The following SH3TC2 variants were observed in gnomAD, a reference collection of about 807,000 sequenced individuals.
SH3TC2 encodes the protein SH3 domain and tetratricopeptide repeats 2.
In SH3TC2, 87 loss-of-function variants were observed where a neutral mutation model predicts 124.5. That is an observed-to-expected ratio of 0.70 (90% CI 0.59 to 0.84). The LOEUF is 0.84. SH3TC2 is among the 40% of genes least tolerant of loss of function. The probability of loss-of-function intolerance (pLI) is 0.00; values close to 1 mark genes in which losing one functional copy is unlikely to be tolerated. For synonymous variants in SH3TC2, 634 were observed against 628.5 expected (o/e 1.01, Z -0.13); for missense variants, 1,536 against 1,566.4 (o/e 0.98, Z 0.33).
chr5:149,032,702 G>T (rs1249546932), intron 8 of SH3TC2, among the ~76,000 whole-genome samples: 1 of 152,174 alleles, frequency 6.6e-6, no homozygotes, highest in Admixed American at 6.5e-5. Flanking sequence ...TTAGGGAGTG[G>T]TAGAGCAGGA....
In SH3TC2 at chr5:148,989,908, C is replaced by A; in HGVS notation, c.*14803G>T. Reference sequence around the variant, plus strand: ...CACTGGGGAAAAATGAGATACATAACAGAAAAGAATGAGTTCTTGGGGTGT... The same window carrying A: ...CACTGGGGAAAAATGAGATACATAAAAGAAAAGAATGAGTTCTTGGGGTGT... On this transcript the variant is annotated 3_prime_UTR_variant, in exon 17 of 17. Coordinates refer to ENST00000515425, the MANE Select transcript of SH3TC2 (RefSeq NM_024577.4). 6.6e-6 allele frequency among the ~76,000 whole-genome samples: 1 copy of A among 152,046 alleles called. No homozygotes were observed. Among genetic ancestry groups the A allele is most frequent in the East Asian group, 1.9e-4 (1 of 5,188 alleles).
At position 148,994,463 on chromosome 5, in the gene SH3TC2, T is replaced by C. The variant is rs1292913082; in HGVS notation, c.*10248A>G. 6.6e-6 allele frequency among the ~76,000 whole-genome samples: 1 copy of C among 152,224 alleles called. No individual in the cohort carries two copies. Among genetic ancestry groups the C allele is most frequent in the Non-Finnish European group, 1.5e-5 (1 of 68,034 alleles). On this transcript the variant is annotated 3_prime_UTR_variant, in exon 17 of 17. Transcript: ENST00000515425. ...TTTATCAGAGGACTCTGACTTGCCCTGGAGCCCATAGGACTTATGAAGACA... is the reference window on the plus strand; with the variant it reads ...TTTATCAGAGGACTCTGACTTGCCCCGGAGCCCATAGGACTTATGAAGACA...
chr5:149,049,350 C>T (rs1754518602), intron 2 of SH3TC2, among the ~76,000 whole-genome samples: 1 of 152,218 alleles, frequency 6.6e-6, no homozygotes, highest in Non-Finnish European at 1.5e-5. Context: ...ACGCAGTCTC[C>T]AGCTCAAGAC....
chr5:149,043,293 A>G (rs1461250291), intron 4 of SH3TC2, among the ~76,000 whole-genome samples: 1 of 152,154 alleles, frequency 6.6e-6, no homozygotes, highest in Non-Finnish European at 1.5e-5. Context: ...TTCAGGAGTC[A>G]GGATTTCCTT....
At position 148,988,987 on chromosome 5, in the gene SH3TC2, C is replaced by T. The variant is rs528702725; in HGVS notation, c.*15724G>A. On this transcript the variant is annotated 3_prime_UTR_variant, in exon 17 of 17. Transcript: ENST00000515425. ...CTGGTCTAGTTGTGCCCTACTGAGCCCAGACATGAAGGAAATAAAAAAACA... is the reference window on the plus strand; with the variant it reads ...CTGGTCTAGTTGTGCCCTACTGAGCTCAGACATGAAGGAAATAAAAAAACA... Among the ~76,000 whole-genome samples the T allele has an allele frequency of 6.6e-6, 1 of 152,180 alleles. No homozygotes were observed. The highest frequency in any genetic ancestry group is 2.4e-5 in the African/African-American group (1 of 41,520).
At chr5:149,012,098 A>C (rs1753793023) in intron 13 of SH3TC2, among the ~76,000 whole-genome samples, 1 of 152,194 alleles carries the variant, frequency 6.6e-6, no homozygotes, top group African/African-American at 2.4e-5. Context: ...ATTTGACTCT[A>C]GGCTTTTCTC....
intron 1 of SH3TC2, 23 bp downstream of exon 1, chr5:149,062,948 C>T (rs1754779500): frequency 6.4e-7 from 1 of 1,574,024 alleles, no homozygotes; most frequent in African/African-American, 1.3e-5. Context: ...AGCCACAGGC[C>T]AAGGGCCCCC....
rs1357543151 is a variant in SH3TC2, at chr5:148,982,698, G to A, written c.*22013C>T. Among the ~76,000 whole-genome samples the A allele has an allele frequency of 1.3e-5, 2 of 152,246 alleles. No homozygotes were observed. Among genetic ancestry groups the A allele is most frequent in the East Asian group, 3.9e-4 (2 of 5,186 alleles). On this transcript the variant is annotated 3_prime_UTR_variant, in exon 17 of 17. Coordinates refer to ENST00000515425, the MANE Select transcript of SH3TC2 (RefSeq NM_024577.4). ...TGGCGGGAGAGTATGTCACTGAATTGTTTTTATACACACAAAATATCCCTG... is the reference window on the plus strand; with the variant it reads ...TGGCGGGAGAGTATGTCACTGAATTATTTTTATACACACAAAATATCCCTG...
In SH3TC2 at chr5:148,999,584, A is replaced by C. The variant is rs1470592245; in HGVS notation, c.*5127T>G. Among the ~76,000 whole-genome samples, 1 of 152,242 alleles carries C rather than the reference A, an allele frequency of 6.6e-6. No individual in the cohort carries two copies. The highest frequency in any genetic ancestry group is 2.4e-5 in the African/African-American group (1 of 41,462). The stretch of plus-strand genomic sequence containing the variant: ...TCATGAAAAACAAGGAAAGGCAGAA[A>C]CCGTCATAGACCAGAGATGCATAGG... On this transcript the variant is annotated 3_prime_UTR_variant, in exon 17 of 17. Coordinates refer to ENST00000515425, the MANE Select transcript of SH3TC2 (RefSeq NM_024577.4).
chr5:149,041,634 A>G lies in SH3TC2; in HGVS notation c.530-17T>C, dbSNP rs1197841321. 6.2e-7 allele frequency: 1 copy of G among 1,613,790 alleles called. No individual in the cohort carries two copies. Among genetic ancestry groups the G allele is most frequent in the Non-Finnish European group, 8.5e-7 (1 of 1,179,756 alleles). The stretch of plus-strand genomic sequence containing the variant: ...AGAAGTGGCCTGTGGATAATGAGAA[A>G]AGCAATGGCTTTCTAAGGAGTAGCA... On this transcript the variant is annotated splice_polypyrimidine_tract_variant and intron_variant, in intron 5 of 16. Transcript: ENST00000515425.
In SH3TC2 at chr5:149,048,009, G is replaced by C; in HGVS notation, c.152-20C>G. ...TCAGGTCTTAAAGAGAACAGAGAGA[G>C]AAGGATCAGGCTGAAAATAGAATAA... On this transcript the variant is annotated intron_variant, in intron 2 of 16. Transcript: ENST00000515425. 6.2e-7 allele frequency: 1 copy of C among 1,613,794 alleles called. No homozygotes were observed. Among genetic ancestry groups the C allele is most frequent in the Non-Finnish European group, 8.5e-7 (1 of 1,179,812 alleles).
intron 16 of SH3TC2, 100 bp downstream of exon 16, chr5:149,006,781 T>C (rs1448664248): frequency 8.0e-7 from 1 of 1,255,680 alleles, no homozygotes; most frequent in Non-Finnish European, 1.2e-6. Flanking sequence ...GGCACTCTGG[T>C]TTTCTCAGCT....
intron 12 of SH3TC2, among the ~76,000 whole-genome samples, chr5:149,022,467 TA>T (rs1258600401): frequency 6.6e-6 from 1 of 152,222 alleles, no homozygotes; most frequent in African/African-American, 2.4e-5. Context: ...CAGCCACTTT[TA>T]AAAACAACCT....
At chr5:149,007,367 C>T in intron 15 of SH3TC2, 1 of 589,832 alleles carries the variant, frequency 1.7e-6, no homozygotes, top group South Asian at 2.1e-5. Context: ...GTCAAGGTTT[C>T]CTGGAGTGAT....
In SH3TC2 at chr5:149,028,103, T is replaced by C; in HGVS notation, c.1629A>G (p.Lys543=). Residue 543 remains lysine, a synonymous_variant, in exon 11 of 17, where the codon AAA becomes AAG. Coordinates refer to ENST00000515425, the MANE Select transcript of SH3TC2 (RefSeq NM_024577.4). ...CGAAGTACACCCTGGCCTGAGAGAGTTTGACCTTCCTGATGCTCAGCCGGC... is the reference window on the plus strand; with the variant it reads ...CGAAGTACACCCTGGCCTGAGAGAGCTTGACCTTCCTGATGCTCAGCCGGC... ...LLGRLSIRKV[K]LSQARVYFEE... The C allele has an allele frequency of 6.2e-7, 1 of 1,614,026 alleles. No individual in the cohort carries two copies. Among genetic ancestry groups the C allele is most frequent in the Non-Finnish European group, 8.5e-7 (1 of 1,180,024 alleles).
rs774021716 is a variant in SH3TC2, at chr5:149,027,575, G to A, written c.2157C>T (p.Thr719=). 6 of 1,614,254 alleles carry A rather than the reference G, an allele frequency of 3.7e-6. No individual in the cohort carries two copies. Among genetic ancestry groups the A allele is most frequent in the Non-Finnish European group, 4.2e-6 (5 of 1,180,048 alleles). Residue 719 remains threonine, a synonymous_variant, in exon 11 of 17, where the codon ACC becomes ACT. Transcript: ENST00000515425. ...CTGGGGAAGGAAAGCCAAGGAGCTT[G>A]GTTGTGTTCTGGAGGACAAGGTGGA... The part of the protein sequence containing the change: ...WQVHLVLQNT[T]KLLGFPSPGW...
rs1236649307 is a variant in SH3TC2 at position 148,988,299 on chromosome 5, GC to G, written c.*16411del. Among the ~76,000 whole-genome samples, 1 of 152,164 alleles carries G rather than the reference GC, an allele frequency of 6.6e-6. No homozygotes were observed. Among genetic ancestry groups the G allele is most frequent in the Non-Finnish European group, 1.5e-5 (1 of 68,026 alleles). On this transcript the variant is annotated 3_prime_UTR_variant, in exon 17 of 17. Transcript: ENST00000515425. ...GAATGTTATCTGGTCTTGTAAAGCT[GC>G]CTTACTATCTAGTCCCCAAGATAGC...
chr5:149,013,571 C>T (rs776465739), intron 12 of SH3TC2, among the ~76,000 whole-genome samples: 51 of 152,130 alleles, frequency 3.4e-4, no homozygotes, highest in South Asian at 1.2e-3. Context: ...TTTAAATCAT[C>T]GAAAAGATTT....
chr5:149,007,873 C>T (rs1337351416), intron 15 of SH3TC2: 12 of 152,500 alleles, frequency 7.9e-5, no homozygotes, highest in Admixed American at 7.8e-4. Flanking sequence ...AGAGAAAATT[C>T]TCTGATATGG....
Sources: gnomAD v4.1 joint callset for allele counts (sites outside exome capture counted in the v4.1 genomes callset) on GRCh38, gnomAD v4.1.1 for gene constraint, MANE v1.5 for transcripts, NCBI Gene and HGNC (gene_info 2026-07-23, HGNC 2026-07-21) for gene names.